CPQ: variants seen among roughly 807,000 people sequenced by gnomAD.
CPQ encodes Ser-Met dipeptidase.
A neutral mutation model predicts 45.7 loss-of-function variants in CPQ; 37 were observed. That is an observed-to-expected ratio of 0.81 (90% CI 0.62 to 1.07). The LOEUF is 1.07. Among genes scored for constraint, CPQ ranks in the 50% least tolerant of loss-of-function variants. The pLI, the probability that CPQ is intolerant of heterozygous loss-of-function variation, is 0.00. For synonymous variants in CPQ, 186 were observed against 205.8 expected, an observed-to-expected ratio of 0.90 and a Z score of 0.82; for missense variants, 537 against 572.9, an observed-to-expected ratio of 0.94 and a Z score of 0.64.
chr8:96,969,004 G>A (rs1813618191), intron 5 of CPQ, among the ~76,000 whole-genome samples: 1 of 152,222 alleles, frequency 6.6e-6, no homozygotes, highest in Admixed American at 6.5e-5. Context: ...TCTGGTGTCA[G>A]TGGACAAAGC....
At chr8:96,670,188 T>C (rs971159878) in intron 1 of CPQ, among the ~76,000 whole-genome samples, 2 of 152,144 alleles carry the variant, frequency 1.3e-5, no homozygotes, top group Admixed American at 6.5e-5. Flanking sequence ...AGTACAAACA[T>C]ATCAAAACCG....
intron 1 of CPQ, among the ~76,000 whole-genome samples, chr8:96,770,936 A>G (rs560086701): frequency 1.8e-4 from 27 of 148,940 alleles, no homozygotes; most frequent in Middle Eastern, 3.6e-3. Flanking sequence ...CTTATAACCC[A>G]AAGAACAGTG....
At chr8:97,121,517 G>A (rs986614740) in intron 7 of CPQ, among the ~76,000 whole-genome samples, 30 of 152,086 alleles carry the variant, frequency 2.0e-4, no homozygotes, top group Non-Finnish European at 2.9e-5. Context: ...AAAGGATCAA[G>A]TACATCTAGA....
chr8:96,900,910 T>C (rs1812504463), intron 4 of CPQ, among the ~76,000 whole-genome samples: 1 of 152,188 alleles, frequency 6.6e-6, no homozygotes, highest in Non-Finnish European at 1.5e-5. Context: ...AATCCAAATA[T>C]CTTGTCTTCA....
At chr8:96,844,709 C>G (rs17796172) in intron 3 of CPQ, among the ~76,000 whole-genome samples, 4,407 of 152,226 alleles carry the variant, frequency 0.029, 155 homozygotes, top group Middle Eastern at 0.092. Context: ...TGGGACTAAG[C>G]TAGGTAGGTT....
chr8:96,898,034 G>A (rs1355861738), intron 4 of CPQ, among the ~76,000 whole-genome samples: 6 of 136,498 alleles, frequency 4.4e-5, no homozygotes, highest in Non-Finnish European at 8.1e-5. Context: ...GTTAATTAAG[G>A]TATCAGGGCT....
chr8:96,737,857 A>C (rs1810009243), intron 1 of CPQ, among the ~76,000 whole-genome samples: 1 of 152,204 alleles, frequency 6.6e-6, no homozygotes, highest in Non-Finnish European at 1.5e-5. Flanking sequence ...TTTAAGTTGT[A>C]AATGGCTCTA....
intron 6 of CPQ, among the ~76,000 whole-genome samples, chr8:97,035,059 A>C (rs1044511427): frequency 4.6e-5 from 7 of 151,832 alleles, no homozygotes; most frequent in African/African-American, 1.7e-4. Flanking sequence ...CACCCGGCTA[A>C]TTTTTGTATT....
intron 4 of CPQ, among the ~76,000 whole-genome samples, chr8:96,945,620 CT>C (rs1813179425): frequency 1.3e-5 from 2 of 152,054 alleles, no homozygotes; most frequent in South Asian, 2.1e-4. Context: ...ATTTTTGCCC[CT>C]ATATCCAATT....
chr8:96,853,977 G>A (rs1322679821), intron 3 of CPQ, among the ~76,000 whole-genome samples: 2 of 152,154 alleles, frequency 1.3e-5, no homozygotes, highest in Non-Finnish European at 2.9e-5. Context: ...CACACAGCAA[G>A]GTAGTATATT....
In CPQ at chr8:96,864,583, G is replaced by A. The variant is rs1415892786; in HGVS notation, c.642-15215G>A. ...TCTATATTTTCAAAGATCAAACAGTGCAGAGTGCAAGATTATAGGAAACCC... is the reference window on the plus strand; with the variant it reads ...TCTATATTTTCAAAGATCAAACAGTACAGAGTGCAAGATTATAGGAAACCC... On this transcript the variant is annotated intron_variant, in intron 3 of 7. Transcript: ENST00000220763. Among the ~76,000 whole-genome samples the A allele has an allele frequency of 4.0e-5, 6 of 149,534 alleles. No homozygotes were observed. In the East Asian group the frequency reaches 1.2e-3, roughly 30 times the overall value.
chr8:96,926,624 TCC>T (rs1563530899), intron 4 of CPQ, among the ~76,000 whole-genome samples: 60 of 122,998 alleles, frequency 4.9e-4, no homozygotes, highest in African/African-American at 1.6e-3. Context: ...CTTCTTCTTC[TCC>T]TCCTTCTCCT....
chr8:96,788,086 T>C (rs892429694), intron 2 of CPQ, among the ~76,000 whole-genome samples: 3 of 151,800 alleles, frequency 2.0e-5, no homozygotes, highest in Middle Eastern at 3.2e-3. Flanking sequence ...TTCTTTCTTT[T>C]TTTTTTATTT....
intron 7 of CPQ, among the ~76,000 whole-genome samples, chr8:97,122,068 A>T (rs914063148): frequency 3.3e-5 from 5 of 152,154 alleles, no homozygotes; most frequent in Admixed American, 6.5e-5. Flanking sequence ...CATCAAGCAG[A>T]CTAACATATA....
intron 5 of CPQ, among the ~76,000 whole-genome samples, chr8:97,001,730 T>C (rs1057157118): frequency 8.3e-5 from 12 of 145,132 alleles, no homozygotes; most frequent in Middle Eastern, 3.2e-3. Context: ...TCTTTTTTTT[T>C]TTTTTTTTTT....
At chr8:96,690,799 G>A (rs1336376226) in intron 1 of CPQ, among the ~76,000 whole-genome samples, 1 of 152,112 alleles carries the variant, frequency 6.6e-6, no homozygotes, top group East Asian at 1.9e-4. Flanking sequence ...GAAAAGGCTG[G>A]CCTAGAGTCC....
intron 4 of CPQ, among the ~76,000 whole-genome samples, chr8:96,957,429 T>C (rs959404164): frequency 6.6e-6 from 1 of 152,190 alleles, no homozygotes; most frequent in Non-Finnish European, 1.5e-5. Flanking sequence ...TTTCTTTTGG[T>C]AGGAAGCACC....
chr8:96,935,484 G>T (rs58222462), intron 4 of CPQ, among the ~76,000 whole-genome samples: 4,831 of 152,246 alleles, frequency 0.032, 265 homozygotes, highest in African/African-American at 0.11. Context: ...GGAAGAGGAG[G>T]TTCCCAAGAG....
intron 1 of CPQ, among the ~76,000 whole-genome samples, chr8:96,720,101 A>C (rs954734454): frequency 1.3e-5 from 2 of 152,028 alleles, no homozygotes; most frequent in Non-Finnish European, 2.9e-5. Context: ...GCCACCAATA[A>C]CTCCAATCTG....
Sources: allele counts gnomAD v4.1 joint callset (sites outside exome capture counted in the v4.1 genomes callset), GRCh38; gene constraint gnomAD v4.1.1; transcripts MANE v1.5; gene names NCBI Gene and HGNC (gene_info 2026-07-23, HGNC 2026-07-21).